The following R3HDM2 variants were observed in gnomAD, a reference collection of about 807,000 sequenced individuals.
R3HDM2 encodes the protein R3H domain-containing protein 2.
R3HDM2 carries 38 observed loss-of-function variants against 124.5 expected under a neutral mutation model. That is an observed-to-expected ratio of 0.31 (90% CI 0.24 to 0.40). The LOEUF (loss-of-function observed/expected upper bound fraction) is 0.40. Ranked by LOEUF, R3HDM2 falls within the 10% of genes least tolerant of loss-of-function variation. R3HDM2 has a pLI of 1.00. For missense variants in R3HDM2, 869 were observed against 1,236.9 expected, an observed-to-expected ratio of 0.70 and a Z score of 4.46; for synonymous variants, 391 against 448.0, an observed-to-expected ratio of 0.87 and a Z score of 1.61.
At position 57,410,461 on chromosome 12, in the gene R3HDM2, C is replaced by A. The variant is rs981457878; in HGVS notation, c.-105-14643G>T. Among the ~76,000 whole-genome samples the A allele has an allele frequency of 3.9e-5, 6 of 152,024 alleles. No individual in the cohort carries two copies. In the East Asian group the frequency reaches 1.2e-3, roughly 29 times the overall value. On this transcript the variant is annotated intron_variant, in intron 1 of 23. Transcript: ENST00000402412. ...AAAACAATTCCAGCATCATAAAATTCTCCCACAAGCACCCAAGTGTAAGGC... is the reference window on the plus strand; with the variant it reads ...AAAACAATTCCAGCATCATAAAATTATCCCACAAGCACCCAAGTGTAAGGC...
At chr12:57,340,164 C>T (rs2059385994) in intron 2 of R3HDM2, among the ~76,000 whole-genome samples, 1 of 152,152 alleles carries the variant, frequency 6.6e-6, no homozygotes, top group South Asian at 2.1e-4. Context: ...TATCTACCCT[C>T]AAATGAAAGG....
At chr12:57,337,484 AG>A (rs1347393914) in intron 2 of R3HDM2, among the ~76,000 whole-genome samples, 1 of 152,176 alleles carries the variant, frequency 6.6e-6, no homozygotes, top group Admixed American at 6.5e-5. Context: ...GCAACAACTC[AG>A]AAAATGGGGT....
At chr12:57,407,801 G>A (rs2068662816) in intron 1 of R3HDM2, among the ~76,000 whole-genome samples, 1 of 152,126 alleles carries the variant, frequency 6.6e-6, no homozygotes, top group African/African-American at 2.4e-5. Context: ...GTCTCGCTCT[G>A]TTACCCAGGC....
At chr12:57,335,749 C>T (rs1234853037) in intron 2 of R3HDM2, among the ~76,000 whole-genome samples, 1 of 151,356 alleles carries the variant, frequency 6.6e-6, no homozygotes, top group Non-Finnish European at 1.5e-5. Context: ...AAGATCTTCC[C>T]ATGTCGGCCT....
At chr12:57,294,545 T>C (rs2049321348) in intron 10 of R3HDM2, among the ~76,000 whole-genome samples, 1 of 152,044 alleles carries the variant, frequency 6.6e-6, no homozygotes, top group African/African-American at 2.4e-5. Context: ...CCATACAATA[T>C]CCCAAGAAAA....
At chr12:57,390,182 AAAG>A (rs1362230103) in intron 2 of R3HDM2, among the ~76,000 whole-genome samples, 926 of 51,674 alleles carry the variant, frequency 0.018, 4 homozygotes, top group African/African-American at 0.032. Flanking sequence ...TAAAAAAAAA[AAAG>A]AAAGAAAGAA....
chr12:57,360,068 G>A (rs1358836532), intron 2 of R3HDM2, among the ~76,000 whole-genome samples: 2 of 117,150 alleles, frequency 1.7e-5, no homozygotes, highest in South Asian at 2.6e-4. Context: ...TTTTTTGGTC[G>A]CTCAGGCTGG....
intron 3 of R3HDM2, among the ~76,000 whole-genome samples, chr12:57,309,160 A>T (rs1273630646): frequency 6.6e-6 from 1 of 152,234 alleles, no homozygotes; most frequent in Non-Finnish European, 1.5e-5. Flanking sequence ...CCTTATGTGA[A>T]TTGAATTGTC....
At chr12:57,353,887 G>A (rs1566301832) in intron 2 of R3HDM2, among the ~76,000 whole-genome samples, 1 of 151,758 alleles carries the variant, frequency 6.6e-6, no homozygotes, top group African/African-American at 2.4e-5. Flanking sequence ...AAAGAGTCTC[G>A]CTCTGTCACC....
At chr12:57,338,790 T>G (rs1214771473) in intron 2 of R3HDM2, among the ~76,000 whole-genome samples, 2 of 151,182 alleles carry the variant, frequency 1.3e-5, no homozygotes, top group Non-Finnish European at 2.9e-5. Context: ...ACACAAATAG[T>G]ACATCCCCCT....
intron 1 of R3HDM2, chr12:57,430,452 G>T: frequency 1.1e-6 from 1 of 918,502 alleles, no homozygotes; most frequent in Non-Finnish European, 1.3e-6. Context: ...TAGTTTTTAG[G>T]TCACCCCGCA....
Position 57,417,377 on chromosome 12 carries a change from T to C in R3HDM2, c.-106+13343A>G, listed in dbSNP as rs920345061. 1.0e-4 allele frequency among the ~76,000 whole-genome samples: 14 copies of C among 138,896 alleles called. No homozygotes were observed. In the East Asian group the frequency reaches 3.1e-3, roughly 31 times the overall value. 91.1% of individuals were successfully genotyped at this position (138,896 alleles called of 152,430 possible). ...TCCAGCCTGGGCTACGGGGCAAAAT[T>C]CCATTTCAAAAAAAAAAAAAAAAGA... On this transcript the variant is annotated intron_variant, in intron 1 of 23. Transcript: ENST00000402412.
At chr12:57,413,976 G>GCTGAGATTA (rs1441582420) in intron 1 of R3HDM2, among the ~76,000 whole-genome samples, 1 of 148,752 alleles carries the variant, frequency 6.7e-6, no homozygotes, top group Middle Eastern at 3.2e-3. Context: ...CTCCTGAGTA[G>GCTGAGATTA]CTGAGATTAC....
chr12:57,359,672 ATTGT>A (rs1410543100), intron 2 of R3HDM2, among the ~76,000 whole-genome samples: 5 of 152,066 alleles, frequency 3.3e-5, no homozygotes, highest in African/African-American at 9.7e-5. Context: ...TGGTGATTAG[ATTGT>A]TTGTATTTAA....
At chr12:57,258,716 C>T (rs908009386) in intron 20 of R3HDM2, among the ~76,000 whole-genome samples, 174 bp downstream of exon 20, 6 of 152,100 alleles carry the variant, frequency 3.9e-5, no homozygotes, top group Admixed American at 2.0e-4. Flanking sequence ...ATCCCACCTG[C>T]CACCTTATAT....
chr12:57,408,091 A>C (rs1471751943), intron 1 of R3HDM2, among the ~76,000 whole-genome samples: 1 of 152,174 alleles, frequency 6.6e-6, no homozygotes, highest in Non-Finnish European at 1.5e-5. Flanking sequence ...CACCACGCCC[A>C]GCTAGTTTTT....
At chr12:57,429,078 T>C (rs1033330120) in intron 1 of R3HDM2, among the ~76,000 whole-genome samples, 1 of 152,138 alleles carries the variant, frequency 6.6e-6, no homozygotes, top group African/African-American at 2.4e-5. Flanking sequence ...TGTCAAATTT[T>C]TTTAAAACTT....
At chr12:57,324,066 A>C (rs1178226017) in intron 2 of R3HDM2, among the ~76,000 whole-genome samples, 1 of 152,202 alleles carries the variant, frequency 6.6e-6, no homozygotes, top group Non-Finnish European at 1.5e-5. Context: ...ATTTATCTAC[A>C]TTCATGGCAC....
intron 2 of R3HDM2, among the ~76,000 whole-genome samples, chr12:57,364,199 G>A (rs972977323): frequency 1.4e-5 from 2 of 139,686 alleles, no homozygotes; most frequent in African/African-American, 2.6e-5. Context: ...CCAGGTTGGA[G>A]TGCAGTGGTG....
Sources: allele counts gnomAD v4.1 joint callset (sites outside exome capture counted in the v4.1 genomes callset), GRCh38; gene constraint gnomAD v4.1.1; transcripts MANE v1.5; gene names NCBI Gene and HGNC (gene_info 2026-07-23, HGNC 2026-07-21).